The following CD109 variants were observed in gnomAD, a reference collection of about 807,000 sequenced individuals.
CD109 encodes the protein CD109 molecule.
A neutral mutation model predicts 165.8 loss-of-function variants in CD109; 149 were observed. That is an observed-to-expected ratio of 0.90 (90% CI 0.79 to 1.03). The LOEUF (loss-of-function observed/expected upper bound fraction) is 1.03. CD109 is among the 50% of genes least tolerant of loss of function. CD109 has a pLI of 0.00. For missense variants in CD109, 1,712 were observed against 1,677.8 expected (o/e 1.02, Z -0.36); for synonymous variants, 585 against 592.1 (o/e 0.99, Z 0.18).
chr6:73,723,544 A>T (rs893393181), intron 3 of CD109, among the ~76,000 whole-genome samples: 1 of 152,224 alleles, frequency 6.6e-6, no homozygotes, highest in Non-Finnish European at 1.5e-5. Context: ...CTATTAGCAC[A>T]GAAATCTGGA....
chr6:73,792,860 G>A (rs1775024951), intron 23 of CD109, 58 bp downstream of exon 23: 3 of 1,327,910 alleles, frequency 2.3e-6, no homozygotes, highest in African/African-American at 2.9e-5. Context: ...TTTTCAGGTA[G>A]GGTTCATTCT....
chr6:73,705,297 G>T (rs956335768), intron 2 of CD109, among the ~76,000 whole-genome samples: 1 of 152,138 alleles, frequency 6.6e-6, no homozygotes, highest in Admixed American at 6.5e-5. Context: ...AGAGCTCATG[G>T]AAAGAACAAG....
chr6:73,738,837 T>G (rs1443343006), intron 5 of CD109, among the ~76,000 whole-genome samples: 1 of 152,248 alleles, frequency 6.6e-6, no homozygotes, highest in African/African-American at 2.4e-5. Context: ...TGCTGTTCCC[T>G]CTGCTGAGAA....
Position 73,766,815 on chromosome 6 carries a change from T to C in CD109, c.1389T>C (p.Pro463=), listed in dbSNP as rs1386494891. 1 of 1,613,204 alleles carries C rather than the reference T, an allele frequency of 6.2e-7. No individual in the cohort carries two copies. Among genetic ancestry groups the C allele is most frequent in the Non-Finnish European group, 8.5e-7 (1 of 1,179,402 alleles). The change falls in exon 12 of 33, where the codon CCT becomes CCC. Residue 463 remains proline, a synonymous_variant. Coordinates refer to ENST00000287097, the MANE Select transcript of CD109 (RefSeq NM_133493.5). ...SMAVHSLFKS[P]SKTYIQLKTR... ...CAGTTCATAGTCTGTTTAAGTCTCC[T>C]AGTAAGACATACATCCAACTAAAAA...
chr6:73,820,573 C>T lies in CD109; in HGVS notation c.4162+10C>T. The T allele has an allele frequency of 1.4e-6, 2 of 1,433,810 alleles. No homozygotes were observed. The highest frequency in any genetic ancestry group is 1.9e-6 in the Non-Finnish European group (2 of 1,030,422). The allele number at this position is 1,433,810 out of a possible 1,614,324, so 88.8% of individuals were successfully genotyped here. On this transcript the variant is annotated intron_variant, in intron 32 of 32. Coordinates refer to ENST00000287097, the MANE Select transcript of CD109 (RefSeq NM_133493.5). ...GATTACTATGAGCCAAGTAAGTATG[C>T]TCTGGAGTTCTTAATACTTTAGAAA...
chr6:73,774,195 A>C (rs576466030), intron 15 of CD109, among the ~76,000 whole-genome samples: 3 of 152,116 alleles, frequency 2.0e-5, no homozygotes, highest in Non-Finnish European at 4.4e-5. Context: ...GTCACATGCT[A>C]TATGTTGTTT....
intron 5 of CD109, among the ~76,000 whole-genome samples, chr6:73,737,057 A>C (rs544294935): frequency 6.6e-6 from 1 of 152,348 alleles, no homozygotes; most frequent in African/African-American, 2.4e-5. Context: ...AATGGGGGGC[A>C]TTCATTGGAA....
chr6:73,781,093 G>T (rs769031797), intron 16 of CD109, among the ~76,000 whole-genome samples, 166 bp from the exon 17 acceptor site: 17 of 151,638 alleles, frequency 1.1e-4, no homozygotes, highest in Non-Finnish European at 2.4e-4. Flanking sequence ...GTGTGCGTGT[G>T]TGTGTGTGTT....
intron 2 of CD109, among the ~76,000 whole-genome samples, chr6:73,719,956 TC>T (rs1400994596): frequency 1.3e-5 from 2 of 152,224 alleles, no homozygotes; most frequent in African/African-American, 4.8e-5. Flanking sequence ...AACAGAAGTT[TC>T]TTCCTACAAG....
At chr6:73,792,531 C>G in intron 22 of CD109, 95 bp from the exon 23 acceptor site, 1 of 1,018,886 alleles carries the variant, frequency 9.8e-7, no homozygotes, top group Non-Finnish European at 1.5e-6. Flanking sequence ...GCTTCAATGA[C>G]AGAGGTCTTC....
At chr6:73,796,507 T>C (rs1016565625) in intron 23 of CD109, among the ~76,000 whole-genome samples, 8 of 152,204 alleles carry the variant, frequency 5.3e-5, no homozygotes, top group Non-Finnish European at 1.0e-4. Context: ...CTCCATTTTA[T>C]TTCTTCACTT....
chr6:73,727,206 C>T (rs956984812), intron 3 of CD109, among the ~76,000 whole-genome samples: 26 of 152,238 alleles, frequency 1.7e-4, no homozygotes, highest in Admixed American at 3.3e-4. Flanking sequence ...TCTCATTATG[C>T]GCCCCCATTG....
chr6:73,762,848 A>T lies in CD109; in HGVS notation c.963A>T (p.Val321=). 4 of 1,612,480 alleles carry T rather than the reference A, an allele frequency of 2.5e-6. No individual in the cohort carries two copies. Among genetic ancestry groups the T allele is most frequent in the Non-Finnish European group, 3.4e-6 (4 of 1,179,542 alleles). Residue 321 remains valine (V), a synonymous_variant, in exon 9 of 33, where the codon GTA becomes GTT. Coordinates refer to ENST00000287097, the MANE Select transcript of CD109 (RefSeq NM_133493.5). ...EYLDLSSPGP[V]EILTTVTESV... is the part of the protein sequence containing the mutation. ...TGGATCTATCTTCCCCTGGACCAGT[A>T]GAAATTTTAACCACAGTGACAGAAT... is the stretch of plus-strand genomic sequence containing the variant.
Position 73,803,282 on chromosome 6 carries a change from G to A in CD109, c.2941G>A (p.Asp981Asn), listed in dbSNP as rs764414022. The A allele has an allele frequency of 1.2e-6, 2 of 1,611,056 alleles. No homozygotes were observed. Among genetic ancestry groups the A allele is most frequent in the East Asian group, 2.2e-5 (1 of 44,752 alleles). Residue 981 changes from aspartate (D) to asparagine (N), a missense_variant, in exon 24 of 33, where the codon GAC becomes AAC. Transcript: ENST00000287097. The part of the protein sequence containing the change: ...DGSFSAFGNY[D>N]PSGSTWLSAF... ...CTCTTTCAGTGCTTTTGGGAATTAT[G>A]ACCCTTCTGGGAGCACTTGGTAAGT... is the stretch of plus-strand genomic sequence containing the variant.
intron 13 of CD109, among the ~76,000 whole-genome samples, chr6:73,767,464 G>A (rs895024642): frequency 1.3e-5 from 2 of 152,050 alleles, no homozygotes; most frequent in South Asian, 2.1e-4. Flanking sequence ...CCTTTGATGG[G>A]CATTTAGGTT....
rs1776300359 is a variant in CD109 at position 73,827,107 on chromosome 6, C to T, written c.*3474C>T. On this transcript the variant is annotated 3_prime_UTR_variant, in exon 33 of 33. Coordinates refer to ENST00000287097, the MANE Select transcript of CD109 (RefSeq NM_133493.5). ...ATCTGGAGTTCTTTTCACAACCTTA[C>T]TTTTTCTGATTTGCTTTATTGAATG... The T allele has an allele frequency of 6.6e-6, 1 of 152,122 alleles. No homozygotes were observed. The highest frequency in any genetic ancestry group is 1.5e-5 in the Non-Finnish European group (1 of 68,020). The allele number at this position is 152,122 out of a possible 1,614,324, so 9.4% of individuals were successfully genotyped here.
intron 23 of CD109, among the ~76,000 whole-genome samples, chr6:73,799,924 A>G (rs907256199): frequency 3.4e-5 from 5 of 149,012 alleles, no homozygotes; most frequent in Non-Finnish European, 5.9e-5. Context: ...TGGCACAATC[A>G]TGGTTCACTG....
chr6:73,689,097 TA>T, the CD109 span, among the ~76,000 whole-genome samples: 4 of 152,202 alleles, frequency 2.6e-5, no homozygotes, highest in Admixed American at 2.6e-4. Context: ...AATTAGTTTA[TA>T]AATTATTCCA....
chr6:73,770,788 A>C (rs1774006913), intron 14 of CD109, among the ~76,000 whole-genome samples: 1 of 152,174 alleles, frequency 6.6e-6, no homozygotes, highest in African/African-American at 2.4e-5. Context: ...CAGGGGCCTC[A>C]TGACAAGGCC....
Sources: allele counts gnomAD v4.1 joint callset (sites outside exome capture counted in the v4.1 genomes callset), GRCh38; gene constraint gnomAD v4.1.1; transcripts MANE v1.5; gene names NCBI Gene and HGNC (gene_info 2026-07-23, HGNC 2026-07-21).